The following ENTREP2 variants were observed in gnomAD, a reference collection of about 807,000 sequenced individuals.
ENTREP2 encodes protein ENTREP2.
the ENTREP2 span, among the ~76,000 whole-genome samples, chr15:29,377,853 TAATAATAATAAA>T: frequency 5.1e-4 from 72 of 141,206 alleles, no homozygotes; most frequent in South Asian, 1.6e-3. Flanking sequence ...ATAATAATAA[TAATAATAATAAA>T]AAAATGAGCC....
the ENTREP2 span, among the ~76,000 whole-genome samples, chr15:29,224,442 C>A: frequency 3.4e-3 from 518 of 152,268 alleles, 4 homozygotes; most frequent in African/African-American, 0.012. Context: ...TCTTATTTGG[C>A]CCCACCCACA....
chr15:29,523,469 G>A, the ENTREP2 span, among the ~76,000 whole-genome samples: 2 of 150,746 alleles, frequency 1.3e-5, no homozygotes, highest in African/African-American at 4.9e-5. Context: ...GACATCCCAT[G>A]CTTCTGAGCT....
the ENTREP2 span, chr15:29,252,522 G>T: frequency 8.5e-7 from 1 of 1,178,730 alleles, no homozygotes; most frequent in Non-Finnish European, 1.2e-6. Flanking sequence ...ACTTGGAGAG[G>T]CTCAAAGGAA....
chr15:29,414,607 A>AACAC, the ENTREP2 span, among the ~76,000 whole-genome samples: 2 of 152,206 alleles, frequency 1.3e-5, no homozygotes, highest in Non-Finnish European at 2.9e-5. Context: ...AGCAAGAGCA[A>AACAC]ACACATTCAA....
At chr15:29,547,792 T>C in the ENTREP2 span, among the ~76,000 whole-genome samples, 1 of 152,206 alleles carries the variant, frequency 6.6e-6, no homozygotes, top group Non-Finnish European at 1.5e-5. Flanking sequence ...TGTACACCCA[T>C]GTTCATAGCA....
the ENTREP2 span, among the ~76,000 whole-genome samples, chr15:29,372,365 T>G: frequency 0.02 from 2,992 of 152,366 alleles, 33 homozygotes; most frequent in Non-Finnish European, 0.029. Flanking sequence ...GCTTACTTTA[T>G]TGTAAGAATA....
chr15:29,451,004 T>G, the ENTREP2 span, among the ~76,000 whole-genome samples: 2 of 149,510 alleles, frequency 1.3e-5, no homozygotes, highest in Non-Finnish European at 3.0e-5. Context: ...AACTGTTGGG[T>G]ACTATGCTTA....
the ENTREP2 span, among the ~76,000 whole-genome samples, chr15:29,651,067 T>A: frequency 0.052 from 7,938 of 152,238 alleles, 643 homozygotes; most frequent in African/African-American, 0.17. Context: ...CTCTTAAACA[T>A]CCATGGCTGA....
chr15:29,674,694 G>A, the ENTREP2 span, among the ~76,000 whole-genome samples: 6 of 151,580 alleles, frequency 4.0e-5, no homozygotes, highest in African/African-American at 9.7e-5. Flanking sequence ...CTAGGGAAAA[G>A]GAGGCATGCC....
the ENTREP2 span, among the ~76,000 whole-genome samples, chr15:29,575,544 C>T: frequency 1.3e-5 from 2 of 152,078 alleles, no homozygotes; most frequent in Non-Finnish European, 2.9e-5. Flanking sequence ...AAAGGACATC[C>T]AAATTGTAAA....
the ENTREP2 span, among the ~76,000 whole-genome samples, chr15:29,496,038 A>G: frequency 6.6e-6 from 1 of 152,132 alleles, no homozygotes; most frequent in Non-Finnish European, 1.5e-5. Context: ...CTGATCCATG[A>G]ACATGGGATA....
the ENTREP2 span, among the ~76,000 whole-genome samples, chr15:29,546,430 G>A: frequency 6.6e-6 from 1 of 152,006 alleles, no homozygotes; most frequent in Non-Finnish European, 1.5e-5. Context: ...GAAGAAGATA[G>A]GTAATAGGGG....
At chr15:29,454,960 A>C in the ENTREP2 span, among the ~76,000 whole-genome samples, 1 of 152,250 alleles carries the variant, frequency 6.6e-6, no homozygotes, top group East Asian at 1.9e-4. Context: ...GATCACACAA[A>C]AAAGGCCTAA....
chr15:29,127,213 C>G, the ENTREP2 span, among the ~76,000 whole-genome samples: 36 of 152,244 alleles, frequency 2.4e-4, no homozygotes, highest in South Asian at 7.5e-3. Flanking sequence ...GGGGCTGGAT[C>G]GGAGTCTGTT....
chr15:29,462,219 CA>C, the ENTREP2 span, among the ~76,000 whole-genome samples: 2 of 152,068 alleles, frequency 1.3e-5, no homozygotes, highest in African/African-American at 4.8e-5. Context: ...CATGGCTGTG[CA>C]AATATCTCTT....
the ENTREP2 span, among the ~76,000 whole-genome samples, chr15:29,608,768 CCT>C: frequency 6.6e-6 from 1 of 151,666 alleles, no homozygotes; most frequent in Non-Finnish European, 1.5e-5. Context: ...AGGGTTTCAC[CCT>C]GTTAGCCAGG....
chr15:29,428,922 T>G, the ENTREP2 span, among the ~76,000 whole-genome samples: 4 of 152,206 alleles, frequency 2.6e-5, no homozygotes, highest in Non-Finnish European at 5.9e-5. Context: ...GCAGCAGAAT[T>G]TGCAGCATTG....
the ENTREP2 span, among the ~76,000 whole-genome samples, chr15:29,349,265 T>C: frequency 1.3e-5 from 2 of 151,920 alleles, no homozygotes; most frequent in Non-Finnish European, 2.9e-5. Context: ...ATGAGAAGAC[T>C]CAGTTTTATG....
chr15:29,326,681 C>T, the ENTREP2 span, among the ~76,000 whole-genome samples: 1 of 151,892 alleles, frequency 6.6e-6, no homozygotes, highest in Non-Finnish European at 1.5e-5. Context: ...AATCAAAATC[C>T]AAAAACTATT....
Sources: gnomAD v4.1 joint callset for allele counts (sites outside exome capture counted in the v4.1 genomes callset) on GRCh38, gnomAD v4.1.1 for gene constraint, MANE v1.5 for transcripts, NCBI Gene and HGNC (gene_info 2026-07-23, HGNC 2026-07-21) for gene names.